Variants in SPIDR observed in about 807,000 individuals in gnomAD.
SPIDR encodes the protein scaffold protein involved in DNA repair.
A neutral mutation model predicts 104.6 loss-of-function variants in SPIDR; 93 were observed. The ratio of observed to expected loss-of-function variants is 0.89; its 90% confidence interval spans 0.75 to 1.06. The LOEUF (loss-of-function observed/expected upper bound fraction) is 1.06. SPIDR is among the 50% of genes least tolerant of loss of function. SPIDR has a pLI of 0.00. For missense variants in SPIDR, 1,154 were observed against 1,111.2 expected (o/e 1.04, Z -0.55); for synonymous variants, 431 against 416.9 (o/e 1.03, Z -0.41).
intron 8 of SPIDR, among the ~76,000 whole-genome samples, chr8:47,574,329 T>C (rs1202057641): frequency 1.3e-5 from 2 of 152,242 alleles, no homozygotes; most frequent in African/African-American, 4.8e-5. Context: ...ACTTTTCAAT[T>C]CATTTGATTT....
chr8:47,453,708 C>A (rs939963889), intron 8 of SPIDR, among the ~76,000 whole-genome samples: 4 of 152,162 alleles, frequency 2.6e-5, no homozygotes, highest in East Asian at 3.9e-4. Context: ...AAAATAAATT[C>A]AAGATGGATT....
intron 11 of SPIDR, among the ~76,000 whole-genome samples, chr8:47,696,600 C>T (rs1000022784): frequency 1.3e-5 from 2 of 152,206 alleles, no homozygotes; most frequent in African/African-American, 2.4e-5. Flanking sequence ...GTCAGCCAAG[C>T]TCACCTGTCA....
At chr8:47,636,739 C>T (rs1397464594) in intron 10 of SPIDR, among the ~76,000 whole-genome samples, 3 of 151,364 alleles carry the variant, frequency 2.0e-5, no homozygotes, top group East Asian at 1.9e-4. Flanking sequence ...TCACTTGAGC[C>T]TGGGAGTTCA....
intron 8 of SPIDR, among the ~76,000 whole-genome samples, chr8:47,444,518 C>A (rs959621161): frequency 6.6e-6 from 1 of 152,176 alleles, no homozygotes; most frequent in Non-Finnish European, 1.5e-5. Context: ...ATATCGTCAT[C>A]TTTTTAGTCA....
intron 7 of SPIDR, among the ~76,000 whole-genome samples, chr8:47,426,813 G>A (rs2154337591): frequency 6.6e-6 from 1 of 152,332 alleles, no homozygotes; most frequent in East Asian, 1.9e-4. Flanking sequence ...TTAATCCATA[G>A]AGGGCAGAGC....
intron 7 of SPIDR, among the ~76,000 whole-genome samples, chr8:47,438,642 G>C (rs1054741824): frequency 1.3e-5 from 2 of 152,164 alleles, no homozygotes; most frequent in African/African-American, 4.8e-5. Context: ...GCAGAAGCTC[G>C]TTATATGCTG....
chr8:47,317,949 C>A (rs2045735494), intron 5 of SPIDR, among the ~76,000 whole-genome samples: 1 of 152,138 alleles, frequency 6.6e-6, no homozygotes, highest in Non-Finnish European at 1.5e-5. Context: ...CTGTACGTCA[C>A]TATCATCAAA....
intron 8 of SPIDR, chr8:47,546,862 T>A (rs2089486204): frequency 2.5e-6 from 1 of 393,874 alleles, no homozygotes. Context: ...TGGTGAGGCG[T>A]ATACGTTTCC....
intron 7 of SPIDR, among the ~76,000 whole-genome samples, chr8:47,437,457 T>G (rs1242606586): frequency 6.6e-6 from 1 of 151,972 alleles, no homozygotes; most frequent in African/African-American, 2.4e-5. Context: ...TATTCCATGG[T>G]GTATATGTGC....
intron 7 of SPIDR, among the ~76,000 whole-genome samples, chr8:47,417,101 C>A (rs13261504): frequency 0.55 from 84,255 of 151,960 alleles, 25,773 homozygotes; most frequent in East Asian, 0.72. Flanking sequence ...GTGCATGTGT[C>A]TTTATAGCAG....
chr8:47,590,059 A>G (rs1315436696), intron 8 of SPIDR, among the ~76,000 whole-genome samples: 2 of 151,906 alleles, frequency 1.3e-5, no homozygotes, highest in East Asian at 3.9e-4. Context: ...CTGTAATCCC[A>G]GCTACTCAGG....
At chr8:47,576,037 G>A (rs1299807875) in intron 8 of SPIDR, among the ~76,000 whole-genome samples, 2 of 149,966 alleles carry the variant, frequency 1.3e-5, no homozygotes, top group Non-Finnish European at 3.0e-5. Flanking sequence ...GATCTGTTAT[G>A]TGAGAAATAC....
intron 4 of SPIDR, among the ~76,000 whole-genome samples, chr8:47,292,747 C>A (rs2040142751): frequency 6.6e-6 from 1 of 152,076 alleles, no homozygotes; most frequent in South Asian, 2.1e-4. Context: ...GCATGCATCA[C>A]ATTGCAATAT....
intron 8 of SPIDR, among the ~76,000 whole-genome samples, chr8:47,477,885 GC>G (rs1387880507): frequency 1.3e-5 from 2 of 152,192 alleles, no homozygotes; most frequent in African/African-American, 4.8e-5. Context: ...GGGAGGCAGA[GC>G]CCTAGGGGAG....
intron 8 of SPIDR, among the ~76,000 whole-genome samples, chr8:47,531,176 G>A (rs1462462307): frequency 2.0e-5 from 3 of 152,140 alleles, no homozygotes; most frequent in Admixed American, 1.3e-4. Flanking sequence ...ACAGGCGTGA[G>A]TCACTGTACC....
intron 7 of SPIDR, chr8:47,419,087 GT>G (rs2064930919): frequency 6.6e-6 from 1 of 152,066 alleles, no homozygotes; most frequent in African/African-American, 2.4e-5. Context: ...CTCTTTTTTG[GT>G]TGTGTCTCTG....
intron 8 of SPIDR, among the ~76,000 whole-genome samples, chr8:47,591,335 T>TA (rs1390066234): frequency 2.0e-5 from 3 of 151,834 alleles, no homozygotes; most frequent in African/African-American, 7.2e-5. Context: ...GTATTACATA[T>TA]ATGTAACTTA....
intron 10 of SPIDR, among the ~76,000 whole-genome samples, chr8:47,670,648 A>G (rs2075669663): frequency 6.6e-6 from 1 of 152,076 alleles, no homozygotes; most frequent in Admixed American, 6.5e-5. Context: ...TACCGCATAC[A>G]CTATACTTAA....
At chr8:47,638,586 A>G (rs1407389003) in intron 10 of SPIDR, among the ~76,000 whole-genome samples, 3 of 152,190 alleles carry the variant, frequency 2.0e-5, no homozygotes, top group Admixed American at 1.3e-4. Context: ...CCAGGAAAAG[A>G]TCCTTTTCTC....
Sources: allele counts gnomAD v4.1 joint callset (sites outside exome capture counted in the v4.1 genomes callset), GRCh38; gene constraint gnomAD v4.1.1; transcripts MANE v1.5; gene names NCBI Gene and HGNC (gene_info 2026-07-23, HGNC 2026-07-21).